GNAS: variants seen among roughly 807,000 people sequenced by gnomAD.
GNAS encodes protein ALEX.
A neutral mutation model predicts 54.5 loss-of-function variants in GNAS; 8 were observed. The observed-to-expected ratio is 0.15, with a 90% CI of 0.09 to 0.26. The LOEUF (loss-of-function observed/expected upper bound fraction) is 0.26, where lower values mean the gene tolerates loss of function less well. Ranked by LOEUF, GNAS falls within the 10% of genes least tolerant of loss-of-function variation. The pLI is 1.00. For synonymous variants in GNAS, 204 were observed against 191.4 expected (o/e 1.07, Z -0.54); for missense variants, 170 against 529.8 (o/e 0.32, Z 6.67).
Position 58,910,916 on chromosome 20 carries a change from T to TA in GNAS, c.*88dup, listed in dbSNP as rs1569033498. Reference sequence around the variant, plus strand: ...TGTACAAGCAGTTAATCACCCACCATAGGGCATGATTAACAAAGCAACCTT... The same window carrying TA: ...TGTACAAGCAGTTAATCACCCACCATAAGGGCATGATTAACAAAGCAACCTT... On this transcript the variant is annotated 3_prime_UTR_variant, in exon 13 of 13. Transcript: ENST00000371085. This position sits in a 1 kb window ranked among gnomAD's most constrained non-coding sequence, Gnocchi z 5.8. 7.7e-7 allele frequency: 1 copy of TA among 1,300,886 alleles called. No homozygotes were observed. Among genetic ancestry groups the TA allele is most frequent in the Non-Finnish European group, 1.1e-6 (1 of 904,736 alleles). The allele number at this position is 1,300,886 out of a possible 1,614,324, so 80.6% of individuals were successfully genotyped here.
chr20:58,866,579 T>A (rs533480598), intron 1 of GNAS, among the ~76,000 whole-genome samples: 1 of 152,326 alleles, frequency 6.6e-6, no homozygotes, highest in Non-Finnish European at 1.5e-5. Context: ...GTAACCATTA[T>A]GGAAGGGGAC....
rs1275334694 is a variant in GNAS at position 58,853,025 on chromosome 20, G to C, written c.43+12139G>C. ...GGGCTGGGGGGCAGCCTGGGGGCAT[G>C]AAAAGTGGCCAGGAAGGAGCCAAGA... On this transcript the variant is annotated intron_variant, in intron 1 of 12. Transcript: ENST00000306090. This position sits in a 1 kb window ranked among gnomAD's most constrained non-coding sequence, Gnocchi z 4.4. 8 of 1,320,264 alleles carry C rather than the reference G, an allele frequency of 6.1e-6. No individual in the cohort carries two copies. Among genetic ancestry groups the C allele is most frequent in the African/African-American group, 1.5e-5 (1 of 67,270 alleles). The allele number at this position is 1,320,264 out of a possible 1,614,324, so 81.8% of individuals were successfully genotyped here. A position where few individuals can be genotyped will look rare whatever the true frequency, so the allele number is the denominator to read the frequency against.
At chr20:58,903,471 G>A (rs1601113973) in intron 3 of GNAS, 60 bp from the exon 4 acceptor site, 2 of 1,322,860 alleles carry the variant, frequency 1.5e-6, no homozygotes, top group East Asian at 2.3e-5. Context: ...CTTTATGAAA[G>A]CAGTACTCCT....
chr20:58,889,855 G>A (rs1299635903), upstream of GNAS, among the ~76,000 whole-genome samples: 1 of 151,504 alleles, frequency 6.6e-6, no homozygotes, highest in Non-Finnish European at 1.5e-5. Flanking sequence ...GGCGCGAGCC[G>A]AGCTCCCCGA....
intron 1 of GNAS, chr20:58,855,469 A>C: frequency 2.3e-6 from 2 of 858,512 alleles, no homozygotes; most frequent in Non-Finnish European, 3.9e-6. Context: ...AACTTGCTAG[A>C]AAGTTCCAGG....
rs1447760641 is a variant in GNAS, at chr20:58,910,895, C to T, written c.*66C>T. On this transcript the variant is annotated 3_prime_UTR_variant, in exon 13 of 13. Transcript: ENST00000371085. The surrounding 1 kb of genome is among the most constrained non-coding windows in gnomAD (Gnocchi z 5.8). ...TAATTAAAAGTGAAACGTAATTGTA[C>T]AAGCAGTTAATCACCCACCATAGGG... 1.3e-6 allele frequency: 2 copies of T among 1,496,164 alleles called. No homozygotes were observed. Among genetic ancestry groups the T allele is most frequent in the East Asian group, 2.3e-5 (1 of 44,338 alleles). 92.7% of individuals were successfully genotyped at this position (1,496,164 alleles called of 1,614,324 possible).
rs2091295666 is a variant in GNAS, at chr20:58,909,478, C to A, written c.660-43C>A. On this transcript the variant is annotated intron_variant, in intron 8 of 12. Coordinates refer to ENST00000371085, the MANE Select transcript of GNAS (RefSeq NM_000516.7). This position sits in a 1 kb window ranked among gnomAD's most constrained non-coding sequence, Gnocchi z 7.3. ...AGAGATCATGGTTTCTTGACATTCA[C>A]CCCAGTCCCTCTGGAATAACCAGCT... 6.2e-7 allele frequency: 1 copy of A among 1,611,316 alleles called. No individual in the cohort carries two copies. Among genetic ancestry groups the A allele is most frequent in the Non-Finnish European group, 8.5e-7 (1 of 1,177,410 alleles).
chr20:58,840,431 TACGAGACCGAGA>T, upstream of GNAS: 1 of 1,613,452 alleles, frequency 6.2e-7, no homozygotes. The surrounding 1 kb of genome is among the most constrained non-coding windows in gnomAD (Gnocchi z 6.0). Context: ...AGAGTTCGAC[TACGAGACCGAGA>T]GCGAGACCGA....
chr20:58,890,864 C>G (rs948703209), upstream of GNAS: 1 of 152,328 alleles, frequency 6.6e-6, no homozygotes, highest in Non-Finnish European at 1.5e-5. Flanking sequence ...TTGGTTCGTG[C>G]TCGCCTCGCT....
rs772711092 is a variant in GNAS at position 58,910,938 on chromosome 20, C to T, written c.*109C>T. On this transcript the variant is annotated 3_prime_UTR_variant, in exon 13 of 13. Transcript: ENST00000371085. The surrounding 1 kb of genome is among the most constrained non-coding windows in gnomAD (Gnocchi z 5.8). ...CCATAGGGCATGATTAACAAAGCAA[C>T]CTTTCCCTTCCCCCGAGTGATTTTG... The T allele has an allele frequency of 1.7e-4, 182 of 1,078,304 alleles. No homozygotes were observed. The highest frequency in any genetic ancestry group is 2.5e-4 in the Non-Finnish European group (177 of 713,546). 66.8% of individuals were successfully genotyped at this position (1,078,304 alleles called of 1,614,324 possible). A position where few individuals can be genotyped will look rare whatever the true frequency, so the allele number is the denominator to read the frequency against.
upstream of GNAS, among the ~76,000 whole-genome samples, chr20:58,886,496 C>T (rs78744807): frequency 0.056 from 8,574 of 152,194 alleles, 814 homozygotes; most frequent in African/African-American, 0.2. Flanking sequence ...ACGAGGGGCC[C>T]CTTCCATTGG....
chr20:58,849,940 A>G (rs942921699), intron 1 of GNAS, among the ~76,000 whole-genome samples: 5 of 152,186 alleles, frequency 3.3e-5, no homozygotes, highest in African/African-American at 1.2e-4. Context: ...TTCCTGCCAA[A>G]ATAGCCTCAA....
At chr20:58,847,093 C>G (rs1010351632) in intron 1 of GNAS, among the ~76,000 whole-genome samples, 13 of 152,234 alleles carry the variant, frequency 8.5e-5, no homozygotes, top group Admixed American at 4.6e-4. Context: ...GGTCAGAGGA[C>G]AGTGGCATGC....
At chr20:58,855,710 T>G in intron 1 of GNAS, 1 of 644,416 alleles carries the variant, frequency 1.6e-6, no homozygotes. Context: ...GCTGGTGGGG[T>G]CCACGGTGGG....
intron 2 of GNAS, chr20:58,898,277 T>C (rs2090265104): frequency 6.6e-6 from 1 of 152,182 alleles, no homozygotes. Flanking sequence ...TTTTCTTTTT[T>C]CCGTGGTGGT....
chr20:58,893,743 G>C (rs1166091950), intron 1 of GNAS, among the ~76,000 whole-genome samples: 2 of 151,996 alleles, frequency 1.3e-5, no homozygotes, highest in African/African-American at 4.8e-5. Context: ...CGTATAACTT[G>C]ATTTCAAAGT....
rs146839606 is a variant in GNAS at position 58,903,623 on chromosome 20, C to T, written c.312+38C>T. ...TCCTTGTGCTGTCTGTCTTGTAGCG[C>T]CCTCCCAGCCAGTGCTGTTCCCTGA... is the stretch of plus-strand genomic sequence containing the variant. On this transcript the variant is annotated intron_variant, in intron 4 of 12. Transcript: ENST00000371085. 65 of 1,614,030 alleles carry T rather than the reference C, an allele frequency of 4.0e-5. 1 individual carries two copies. The South Asian group carries it at 4.5e-4, about 11-fold the overall frequency.
At position 58,909,411 on chromosome 20, in the gene GNAS, A is replaced by C; in HGVS notation, c.647A>C (p.Lys216Thr). 1 of 1,613,754 alleles carries C rather than the reference A, an allele frequency of 6.2e-7. No homozygotes were observed. Among genetic ancestry groups the C allele is most frequent in the Non-Finnish European group, 8.5e-7 (1 of 1,179,638 alleles). ...GIFETKFQVD[K>T]VNFHMFDVGG... ...TTTGAGACCAAGTTCCAGGTGGACA[A>C]AGTCAACTTCCAGTAAGCCAACTGT... is the stretch of plus-strand genomic sequence containing the variant. The change falls in exon 8 of 13, where the codon AAA (lysine) becomes ACA (threonine). Residue 216 changes from lysine (K) to threonine (T), a missense_variant. Around this residue, in one of 3 missense-constraint regions of GNAS, gnomAD observed 78 missense variants for 251.1 expected, o/e 0.31. Coordinates refer to ENST00000371085, the MANE Select transcript of GNAS (RefSeq NM_000516.7). This position sits in a 1 kb window ranked among gnomAD's most constrained non-coding sequence, Gnocchi z 7.3.
chr20:58,857,690 A>G lies in GNAS; in HGVS notation c.43+16804A>G, dbSNP rs1452768681. ...GTGGGGGGTGGAGGAGACACAGTCT[A>G]CTTACATCAGGACTGGAGACTTATA... On this transcript the variant is annotated intron_variant, in intron 1 of 12. Transcript: ENST00000306090. This position sits in a 1 kb window ranked among gnomAD's most constrained non-coding sequence, Gnocchi z 4.1. 6.6e-6 allele frequency among the ~76,000 whole-genome samples: 1 copy of G among 152,208 alleles called. No homozygotes were observed. The highest frequency in any genetic ancestry group is 1.5e-5 in the Non-Finnish European group (1 of 68,040).
Sources: allele counts gnomAD v4.1 joint callset (sites outside exome capture counted in the v4.1 genomes callset), GRCh38; gene constraint gnomAD v4.1.1; regional missense constraint gnomAD v4.1.1; non-coding constraint Gnocchi (gnomAD v3.1); transcripts MANE v1.5; gene names NCBI Gene and HGNC (gene_info 2026-07-23, HGNC 2026-07-21).